The following NCAM1 variants were observed in gnomAD, a reference collection of about 807,000 sequenced individuals.
The protein encoded by NCAM1 is neural cell adhesion molecule 1, also known as antigen recognized by monoclonal antibody 5.1H11.
In NCAM1, 14 loss-of-function variants were observed where a neutral mutation model predicts 109.8. The observed-to-expected ratio is 0.13, with a 90% CI of 0.08 to 0.20. The LOEUF (loss-of-function observed/expected upper bound fraction) is 0.20. Among genes scored for constraint, NCAM1 ranks in the 10% least tolerant of loss-of-function variants. The pLI is 1.00. For synonymous variants in NCAM1, 418 were observed against 442.9 expected (o/e 0.94, Z 0.70); for missense variants, 774 against 1,109.9 (o/e 0.70, Z 4.30).
At chr11:113,112,041 G>A (rs782776533) in intron 1 of NCAM1, among the ~76,000 whole-genome samples, 2 of 152,122 alleles carry the variant, frequency 1.3e-5, no homozygotes, top group Admixed American at 6.6e-5. Context: ...GAAGGTGGTC[G>A]GTTGCCTAAG....
rs1452623351 is a variant in NCAM1 at position 113,233,676 on chromosome 11, G to T, written c.1693+359G>T. Among the ~76,000 whole-genome samples, 2 of 152,204 alleles carry T rather than the reference G, an allele frequency of 1.3e-5. No individual in the cohort carries two copies. Among genetic ancestry groups the T allele is most frequent in the Non-Finnish European group, 2.9e-5 (2 of 68,034 alleles). On this transcript the variant is annotated intron_variant, in intron 13 of 19. Coordinates refer to ENST00000316851, the MANE Select transcript of NCAM1 (RefSeq NM_181351.5). The surrounding 1 kb of genome is among the most constrained non-coding windows in gnomAD (Gnocchi z 4.5). Reference sequence around the variant, plus strand: ...CACGTTTGAGTTACCTGTGCTGCAGGTTCTCTGCCGACACCCGGCCAGTCC... The same window carrying T: ...CACGTTTGAGTTACCTGTGCTGCAGTTTCTCTGCCGACACCCGGCCAGTCC...
chr11:113,276,240 G>A lies in NCAM1; in HGVS notation c.*853G>A, dbSNP rs1946398057. 6.6e-6 allele frequency: 1 copy of A among 152,502 alleles called. No homozygotes were observed. Among genetic ancestry groups the A allele is most frequent in the Admixed American group, 6.5e-5 (1 of 15,270 alleles). 9.4% of individuals were successfully genotyped at this position (152,502 alleles called of 1,614,324 possible). A position where few individuals can be genotyped will look rare whatever the true frequency, so the allele number is the denominator to read the frequency against. On this transcript the variant is annotated 3_prime_UTR_variant, in exon 20 of 20. Transcript: ENST00000316851. The stretch of plus-strand genomic sequence containing the variant: ...TCATCCCACGCTTGCTTTAGCACAG[G>A]ACAACTTTACAAAACATGATTGTTT...
intron 1 of NCAM1, among the ~76,000 whole-genome samples, chr11:113,066,719 G>T (rs1555084298): frequency 6.6e-6 from 1 of 152,102 alleles, no homozygotes; most frequent in African/African-American, 2.4e-5. Flanking sequence ...GAATTAGATT[G>T]GCCAGGTGCA....
chr11:113,093,931 C>T (rs1555089836), intron 1 of NCAM1, among the ~76,000 whole-genome samples: 3 of 152,272 alleles, frequency 2.0e-5, no homozygotes, highest in African/African-American at 7.2e-5. Flanking sequence ...CTGCAGTGTG[C>T]TGTGCTTCTC....
intron 1 of NCAM1, among the ~76,000 whole-genome samples, chr11:112,998,066 A>G (rs1358939569): frequency 2.0e-5 from 3 of 152,166 alleles, no homozygotes; most frequent in Admixed American, 1.3e-4. Context: ...CAGGTCCTGG[A>G]GTTACTAAAT....
In NCAM1 at chr11:112,962,794, G is replaced by T. The variant is rs1033590687; in HGVS notation, c.52+1130G>T. On this transcript the variant is annotated intron_variant, in intron 1 of 19. Transcript: ENST00000316851. This position sits in a 1 kb window ranked among gnomAD's most constrained non-coding sequence, Gnocchi z 5.6. Reference sequence around the variant, plus strand: ...CCTCCACCCAAGGATTTGCGCTTTGGCTCTGATGGACGGGAGGGAAGGAAG... The same window carrying T: ...CCTCCACCCAAGGATTTGCGCTTTGTCTCTGATGGACGGGAGGGAAGGAAG... Among the ~76,000 whole-genome samples the T allele has an allele frequency of 2.6e-5, 4 of 152,090 alleles. No individual in the cohort carries two copies. The highest frequency in any genetic ancestry group is 9.7e-5 in the African/African-American group (4 of 41,410).
intron 1 of NCAM1, among the ~76,000 whole-genome samples, chr11:113,021,164 C>T (rs940723200): frequency 3.9e-5 from 6 of 152,160 alleles, no homozygotes; most frequent in Non-Finnish European, 2.9e-5. Flanking sequence ...GAGTGTTTAC[C>T]ACATGCCAGG....
intron 1 of NCAM1, among the ~76,000 whole-genome samples, chr11:113,185,260 C>T (rs183970485): frequency 5.0e-4 from 76 of 151,790 alleles, no homozygotes; most frequent in African/African-American, 1.6e-3. Flanking sequence ...AGATCCAGTC[C>T]GAGTCCAAGT....
chr11:113,269,656 G>C (rs888450878), intron 17 of NCAM1: 2 of 166,868 alleles, frequency 1.2e-5, no homozygotes, highest in Non-Finnish European at 2.6e-5. Context: ...TTCCTAAAGA[G>C]GGAAAGAGGA....
chr11:113,245,156 T>C (rs192449332), intron 14 of NCAM1, among the ~76,000 whole-genome samples: 1 of 152,036 alleles, frequency 6.6e-6, no homozygotes, highest in Non-Finnish European at 1.5e-5. Context: ...TCTAAAGATA[T>C]AACTTTAACC....
At chr11:113,127,680 A>G (rs1941231722) in intron 1 of NCAM1, among the ~76,000 whole-genome samples, 1 of 152,232 alleles carries the variant, frequency 6.6e-6, no homozygotes, top group African/African-American at 2.4e-5. Context: ...TTCAATCTCC[A>G]CTAAAAGAAA....
intron 1 of NCAM1, among the ~76,000 whole-genome samples, chr11:113,047,176 T>G (rs993201094): frequency 3.9e-5 from 6 of 152,212 alleles, no homozygotes; most frequent in Non-Finnish European, 7.3e-5. Context: ...GCCACATTTT[T>G]TTCTGAATAA....
Position 113,273,171 on chromosome 11 carries a change from G to A in NCAM1, c.2456+1295G>A, listed in dbSNP as rs1591479214. On this transcript the variant is annotated intron_variant, in intron 19 of 19. Coordinates refer to ENST00000316851, the MANE Select transcript of NCAM1 (RefSeq NM_181351.5). This position sits in a 1 kb window ranked among gnomAD's most constrained non-coding sequence, Gnocchi z 6.0. ...GCCCAGCGCCTCTGCCCCCTCCCCG[G>A]CCCCAGCTTCAGCCCCCAAGGTCGC... 2.5e-6 allele frequency: 1 copy of A among 405,248 alleles called. No individual in the cohort carries two copies. The highest frequency in any genetic ancestry group is 7.2e-5 in the East Asian group (1 of 13,850). 25.1% of individuals were successfully genotyped at this position (405,248 alleles called of 1,614,324 possible).
At chr11:113,130,204 CAG>C (rs1173867841) in intron 1 of NCAM1, among the ~76,000 whole-genome samples, 1 of 152,178 alleles carries the variant, frequency 6.6e-6, no homozygotes, top group African/African-American at 2.4e-5. Context: ...CTATTGTTGG[CAG>C]AGTGTCTGCA....
Position 113,231,717 on chromosome 11 carries a change from A to G in NCAM1, c.1162A>G (p.Thr388Ala). ...GCTGACCCTGAAGAGCATCCAGTAC[A>G]CTGATGCCGGAGAGTACATCTGCAC... ...SSLTLKSIQYTDAGEYICTAS... is the reference protein window; with the variant it reads ...SSLTLKSIQYADAGEYICTAS... Residue 388 changes from threonine (T) to alanine (A), a missense_variant, in exon 10 of 20, where the codon ACT becomes GCT. Thr to Ala is a moderately conservative substitution (Grantham distance 58). Coordinates refer to ENST00000316851, the MANE Select transcript of NCAM1 (RefSeq NM_181351.5). The G allele has an allele frequency of 1.2e-6, 2 of 1,613,694 alleles. No individual in the cohort carries two copies. The highest frequency in any genetic ancestry group is 8.5e-7 in the Non-Finnish European group (1 of 1,179,788).
intron 1 of NCAM1, among the ~76,000 whole-genome samples, chr11:113,052,836 G>A (rs1953556564): frequency 6.6e-6 from 1 of 152,088 alleles, no homozygotes; most frequent in Non-Finnish European, 1.5e-5. Flanking sequence ...TTGTCCTGAT[G>A]CTCTCCCTCC....
intron 19 of NCAM1, among the ~76,000 whole-genome samples, chr11:113,275,036 G>C (rs1946372481): frequency 6.6e-6 from 1 of 152,174 alleles, no homozygotes; most frequent in Non-Finnish European, 1.5e-5. Context: ...GAGTCACTTG[G>C]GTGCTTTTAA....
At chr11:112,966,260 A>G (rs1387727530) in intron 1 of NCAM1, among the ~76,000 whole-genome samples, 1 of 152,250 alleles carries the variant, frequency 6.6e-6, no homozygotes, top group Non-Finnish European at 1.5e-5. Flanking sequence ...TGAGCTTTTA[A>G]TAAAAGTCAC....
chr11:113,056,387 T>C (rs2509374), intron 1 of NCAM1, among the ~76,000 whole-genome samples: 126,652 of 152,020 alleles, frequency 0.83, 53,118 homozygotes, highest in African/African-American at 0.93. Flanking sequence ...CTATAAGAGA[T>C]GAATTGTAAT....
Sources: allele counts gnomAD v4.1 joint callset (sites outside exome capture counted in the v4.1 genomes callset), GRCh38; gene constraint gnomAD v4.1.1; non-coding constraint Gnocchi (gnomAD v3.1); transcripts MANE v1.5; gene names NCBI Gene and HGNC (gene_info 2026-07-23, HGNC 2026-07-21).